CSMD1: variants seen among roughly 807,000 people sequenced by gnomAD.
The protein encoded by CSMD1 is CUB and Sushi multiple domains 1.
Under a neutral mutation model 417.5 loss-of-function variants are expected in CSMD1, and 213 were observed. That is an observed-to-expected ratio of 0.51 (90% CI 0.46 to 0.57). The LOEUF (loss-of-function observed/expected upper bound fraction) is 0.57. Among genes scored for constraint, CSMD1 ranks in the 20% least tolerant of loss-of-function variants. The probability of loss-of-function intolerance (pLI) is 0.00; values close to 1 mark genes in which losing one functional copy is unlikely to be tolerated. For synonymous variants in CSMD1, 2,862 were observed against 1,736.8 expected (o/e 1.65, Z -16.11); for missense variants, 6,923 against 4,529.7 (o/e 1.53, Z -15.17).
chr8:3,677,134 C>T (rs1799416983), intron 7 of CSMD1, among the ~76,000 whole-genome samples: 3 of 152,016 alleles, frequency 2.0e-5, no homozygotes. Context: ...CAAGCCTGCA[C>T]ATTCTGCACA....
At chr8:3,244,674 C>G (rs567832739) in intron 26 of CSMD1, among the ~76,000 whole-genome samples, 1 of 152,188 alleles carries the variant, frequency 6.6e-6, no homozygotes, top group Non-Finnish European at 1.5e-5. Flanking sequence ...ATGTGGCTGA[C>G]AATCTGAGCC....
chr8:4,677,473 T>C lies in CSMD1; in HGVS notation c.86-39915A>G, dbSNP rs189322358. 2.6e-5 allele frequency among the ~76,000 whole-genome samples: 4 copies of C among 152,248 alleles called. No individual in the cohort carries two copies. The East Asian group carries it at 7.7e-4, about 29-fold the overall frequency. On this transcript the variant is annotated intron_variant, in intron 1 of 69. Coordinates refer to ENST00000635120, the MANE Select transcript of CSMD1 (RefSeq NM_033225.6). ...TTCAACACACTACAATTTATATAGTTATTCTCTAATCATTTTTATATGTTC... is the reference window on the plus strand; with the variant it reads ...TTCAACACACTACAATTTATATAGTCATTCTCTAATCATTTTTATATGTTC...
intron 26 of CSMD1, among the ~76,000 whole-genome samples, chr8:3,260,702 C>G (rs1036556215): frequency 2.0e-5 from 3 of 152,064 alleles, no homozygotes; most frequent in Admixed American, 1.3e-4. Context: ...TTACACAAAA[C>G]AAAATGAGAA....
intron 7 of CSMD1, among the ~76,000 whole-genome samples, chr8:3,699,926 A>G (rs1447853198): frequency 1.3e-5 from 2 of 151,510 alleles, no homozygotes; most frequent in East Asian, 3.9e-4. Flanking sequence ...CCTGGGTTAT[A>G]TCCCATAACT....
At chr8:3,182,532 G>A (rs968644971) in intron 36 of CSMD1, among the ~76,000 whole-genome samples, 1 of 150,728 alleles carries the variant, frequency 6.6e-6, no homozygotes, top group Non-Finnish European at 1.5e-5. Context: ...GATTTGATCA[G>A]ACCAATAACC....
At chr8:3,502,489 T>C (rs1283401432) in intron 10 of CSMD1, among the ~76,000 whole-genome samples, 1 of 151,946 alleles carries the variant, frequency 6.6e-6, no homozygotes, top group Admixed American at 6.6e-5. Flanking sequence ...GGTGAATGGA[T>C]AAACTGTGGT....
chr8:3,344,772 A>C (rs1272471062), intron 22 of CSMD1, among the ~76,000 whole-genome samples: 2 of 152,208 alleles, frequency 1.3e-5, no homozygotes, highest in Non-Finnish European at 2.9e-5. Flanking sequence ...AGGGATGTAC[A>C]CAGATATAGA....
intron 23 of CSMD1, among the ~76,000 whole-genome samples, chr8:3,329,155 G>A (rs953787951): frequency 6.6e-6 from 1 of 152,032 alleles, no homozygotes; most frequent in Non-Finnish European, 1.5e-5. Context: ...GGAGAGAGGC[G>A]ATGCCATAGC....
At chr8:4,333,568 A>G (rs1287405033) in intron 3 of CSMD1, among the ~76,000 whole-genome samples, 2 of 152,186 alleles carry the variant, frequency 1.3e-5, no homozygotes, top group African/African-American at 2.4e-5. Flanking sequence ...ATGACATGCA[A>G]TATGCGTTAG....
chr8:3,538,421 C>T (rs1798294956), intron 10 of CSMD1, among the ~76,000 whole-genome samples: 2 of 152,166 alleles, frequency 1.3e-5, no homozygotes, highest in African/African-American at 4.8e-5. Flanking sequence ...TAAAATGGTG[C>T]ACTTGAGATG....
At chr8:2,996,523 G>A (rs1390006719) in intron 54 of CSMD1, among the ~76,000 whole-genome samples, 1 of 152,214 alleles carries the variant, frequency 6.6e-6, no homozygotes, top group African/African-American at 2.4e-5. Flanking sequence ...TCAGGCCTGT[G>A]CAGTAAACTC....
intron 21 of CSMD1, among the ~76,000 whole-genome samples, chr8:3,354,624 C>T (rs1025122810): frequency 1.3e-5 from 2 of 151,794 alleles, no homozygotes; most frequent in Non-Finnish European, 2.9e-5. Context: ...TATTTTTAGC[C>T]CATTCATTAT....
chr8:3,028,835 T>C (rs551158878), intron 51 of CSMD1, among the ~76,000 whole-genome samples: 1 of 152,306 alleles, frequency 6.6e-6, no homozygotes, highest in Non-Finnish European at 1.5e-5. Context: ...CATTGTTTTA[T>C]TTTTCTATTT....
chr8:3,912,178 T>C (rs1426385256), intron 5 of CSMD1, among the ~76,000 whole-genome samples: 2 of 152,218 alleles, frequency 1.3e-5, no homozygotes, highest in Non-Finnish European at 2.9e-5. Context: ...CTCATGAATT[T>C]GTAATGATTT....
intron 2 of CSMD1, among the ~76,000 whole-genome samples, chr8:4,501,391 T>G (rs1332429025): frequency 6.6e-6 from 1 of 152,158 alleles, no homozygotes; most frequent in Non-Finnish European, 1.5e-5. Flanking sequence ...TAAACAACTA[T>G]TTTAGGCAAT....
At chr8:3,906,970 C>A (rs187807458) in intron 5 of CSMD1, among the ~76,000 whole-genome samples, 3 of 152,308 alleles carry the variant, frequency 2.0e-5, no homozygotes, top group Admixed American at 6.5e-5. Context: ...TATCAGACAA[C>A]TGAAACGCTT....
chr8:3,128,775 A>T (rs1239071922), intron 41 of CSMD1: 1 of 423,714 alleles, frequency 2.4e-6, no homozygotes, highest in Non-Finnish European at 4.6e-6. Flanking sequence ...AATGGCGTAC[A>T]ATAAAAAACA....
intron 1 of CSMD1, among the ~76,000 whole-genome samples, chr8:4,848,440 A>T (rs915398370): frequency 6.6e-6 from 1 of 152,192 alleles, no homozygotes; most frequent in African/African-American, 2.4e-5. Flanking sequence ...ATTGTAACGC[A>T]GTGCATTACT....
intron 3 of CSMD1, among the ~76,000 whole-genome samples, chr8:4,101,764 T>C (rs1801315926): frequency 6.6e-6 from 1 of 152,182 alleles, no homozygotes; most frequent in South Asian, 2.1e-4. Context: ...AGCTTTTGCT[T>C]AGGACAGCAA....
Sources: allele counts gnomAD v4.1 joint callset (sites outside exome capture counted in the v4.1 genomes callset), GRCh38; gene constraint gnomAD v4.1.1; transcripts MANE v1.5; gene names NCBI Gene and HGNC (gene_info 2026-07-23, HGNC 2026-07-21).